KLHL13: variants seen among roughly 807,000 people sequenced by gnomAD.
KLHL13 encodes kelch-like protein 13.
KLHL13 carries 10 observed loss-of-function variants against 37.1 expected under a neutral mutation model. That is an observed-to-expected ratio of 0.27 (90% confidence interval 0.17 to 0.46). The LOEUF is 0.46. KLHL13 is among the 20% of genes least tolerant of loss of function. KLHL13 has a pLI of 1.00. For synonymous variants in KLHL13, 163 were observed against 181.2 expected (o/e 0.90, Z 0.81); for missense variants, 360 against 509.3 (o/e 0.71, Z 2.82).
At chrX:118,056,784 C>T (rs1006815035) in intron 1 of KLHL13, among the ~76,000 whole-genome samples, 33 of 111,766 alleles carry the variant, frequency 3.0e-4, no homozygotes, top group African/African-American at 1.1e-3. Flanking sequence ...ATTACTTCAT[C>T]TCATTAATTC....
chrX:117,939,749 G>T (rs971434793), intron 2 of KLHL13, among the ~76,000 whole-genome samples: 17 of 112,097 alleles, frequency 1.5e-4, no homozygotes, highest in Non-Finnish European at 3.0e-4. Context: ...CTTTTGAGAA[G>T]TGTCTGTTCA....
intron 5 of KLHL13, among the ~76,000 whole-genome samples, chrX:117,902,761 G>A (rs1930181411): frequency 9.0e-6 from 1 of 111,186 alleles, no homozygotes; most frequent in African/African-American, 3.3e-5. Flanking sequence ...AAGCTGTTAA[G>A]AGAACTCATC....
At chrX:118,115,600 C>T (rs935459434) in intron 1 of KLHL13, among the ~76,000 whole-genome samples, 3 of 112,159 alleles carry the variant, frequency 2.7e-5, no homozygotes, top group Non-Finnish European at 3.8e-5. Flanking sequence ...CGACTTTATC[C>T]CAAACCACTA....
chrX:117,996,151 T>C (rs1211291926), intron 1 of KLHL13, among the ~76,000 whole-genome samples: 1 of 112,319 alleles, frequency 8.9e-6, no homozygotes, highest in Non-Finnish European at 1.9e-5. Flanking sequence ...CACACCAGAA[T>C]GTGTGTCTCT....
chrX:118,019,775 T>C (rs1248690371), intron 1 of KLHL13, among the ~76,000 whole-genome samples: 1 of 106,226 alleles, frequency 9.4e-6, no homozygotes, highest in Non-Finnish European at 1.9e-5. Flanking sequence ...CTTGTTTTTC[T>C]CAGGTTTGTC....
chrX:117,922,022 T>C (rs903450227), intron 2 of KLHL13, among the ~76,000 whole-genome samples: 1 of 112,257 alleles, frequency 8.9e-6, no homozygotes, highest in Non-Finnish European at 1.9e-5. Flanking sequence ...CCAAACATTA[T>C]ATATCCTATG....
chrX:117,967,420 C>G (rs916594477), intron 1 of KLHL13, among the ~76,000 whole-genome samples: 1 of 110,940 alleles, frequency 9.0e-6, no homozygotes, highest in African/African-American at 3.3e-5. Context: ...GCTCCGTCTC[C>G]CCAAGTTTGG....
chrX:118,010,936 G>C (rs1395684074), intron 1 of KLHL13, among the ~76,000 whole-genome samples: 1 of 109,010 alleles, frequency 9.2e-6, no homozygotes, highest in Non-Finnish European at 1.9e-5. Flanking sequence ...AGCCAGGCAT[G>C]GTGGCACACG....
At chrX:117,994,045 T>C (rs1394886519) in intron 1 of KLHL13, among the ~76,000 whole-genome samples, 1 of 111,462 alleles carries the variant, frequency 9.0e-6, no homozygotes, top group African/African-American at 3.3e-5. Flanking sequence ...CTGCTGCATT[T>C]ATTAAGTAAT....
intron 2 of KLHL13, among the ~76,000 whole-genome samples, chrX:117,933,770 T>C (rs1932592834): frequency 9.0e-6 from 1 of 111,239 alleles, no homozygotes; most frequent in Admixed American, 9.6e-5. Context: ...GTACTGATCA[T>C]AGGCATACAG....
At chrX:118,036,262 C>T (rs1259022957) in intron 1 of KLHL13, among the ~76,000 whole-genome samples, 3 of 110,631 alleles carry the variant, frequency 2.7e-5, no homozygotes, top group Admixed American at 9.6e-5. Flanking sequence ...TCATATGGAA[C>T]CAAAAAAGAG....
intron 1 of KLHL13, among the ~76,000 whole-genome samples, chrX:117,982,996 G>A (rs1376594856): frequency 8.9e-6 from 1 of 112,184 alleles, no homozygotes; most frequent in Non-Finnish European, 1.9e-5. Flanking sequence ...CAGATGCGAA[G>A]TGGGAAACTG....
intron 1 of KLHL13, among the ~76,000 whole-genome samples, chrX:117,952,073 C>A (rs1933641503): frequency 1.8e-5 from 2 of 110,905 alleles, no homozygotes; most frequent in East Asian, 2.8e-4. Context: ...CATATGGAAC[C>A]AAAAAAGAGC....
chrX:117,930,322 A>AGGCAGGC (rs1569418674), intron 2 of KLHL13, among the ~76,000 whole-genome samples: 8 of 74,804 alleles, frequency 1.1e-4, no homozygotes, highest in African/African-American at 3.8e-4. Flanking sequence ...GGCAGGCAGG[A>AGGCAGGC]AGGCAGGAAG....
At chrX:117,914,080 C>G (rs1401661914) in intron 4 of KLHL13, among the ~76,000 whole-genome samples, 1 of 110,593 alleles carries the variant, frequency 9.0e-6, no homozygotes, top group Non-Finnish European at 1.9e-5. Flanking sequence ...TGCTGCTGTA[C>G]TATTCAAATT....
intron 1 of KLHL13, among the ~76,000 whole-genome samples, chrX:118,036,002 A>G (rs1159261936): frequency 9.8e-6 from 1 of 102,117 alleles, no homozygotes; most frequent in African/African-American, 4.1e-5. Flanking sequence ...AACTGCTTCA[A>G]AGAGAATAAA....
At chrX:117,981,408 A>C (rs1399403443) in intron 1 of KLHL13, among the ~76,000 whole-genome samples, 1 of 112,252 alleles carries the variant, frequency 8.9e-6, no homozygotes, top group African/African-American at 3.2e-5. Context: ...TCTAGATTTA[A>C]GCTAGAGGTA....
rs1363829060 is a variant in KLHL13, at chrX:118,111,987, T to C, written c.-56+4521A>G. Among the ~76,000 whole-genome samples, 4 of 112,135 alleles carry C rather than the reference T, an allele frequency of 3.6e-5. No individual in the cohort carries two copies. The East Asian group carries it at 8.4e-4, about 24-fold the overall frequency. ...AAGTACCATAAGAGGCAAGTTCTATTACCCCTTTTTTACATATGAGATAAC... is the reference window on the plus strand; with the variant it reads ...AAGTACCATAAGAGGCAAGTTCTATCACCCCTTTTTTACATATGAGATAAC... On this transcript the variant is annotated intron_variant, in intron 1 of 6. Transcript: ENST00000371882.
At chrX:117,906,652 A>G (rs1302335313) in intron 5 of KLHL13, among the ~76,000 whole-genome samples, 2 of 111,464 alleles carry the variant, frequency 1.8e-5, no homozygotes, top group East Asian at 5.6e-4. Flanking sequence ...GTCAATCACA[A>G]AATATTTTTT....
Sources: allele counts gnomAD v4.1 joint callset (sites outside exome capture counted in the v4.1 genomes callset), GRCh38; gene constraint gnomAD v4.1.1; transcripts MANE v1.5; gene names NCBI Gene and HGNC (gene_info 2026-07-23, HGNC 2026-07-21).